The following PTCHD1 variants were observed in gnomAD, a reference collection of about 807,000 sequenced individuals.
The protein encoded by PTCHD1 is patched domain-containing protein 1.
Under a neutral mutation model 34.6 loss-of-function variants are expected in PTCHD1, and 3 were observed. That is an observed-to-expected ratio of 0.09 (90% CI 0.04 to 0.22). The LOEUF is 0.22. Ranked by LOEUF, PTCHD1 falls within the 10% of genes least tolerant of loss-of-function variation. The pLI, the probability that PTCHD1 is intolerant of heterozygous loss-of-function variation, is 1.00. For synonymous variants in PTCHD1, 305 were observed against 283.1 expected (o/e 1.08, Z -0.77); for missense variants, 504 against 685.5 (o/e 0.74, Z 2.96).
rs146681155 is a variant in PTCHD1 at position 23,369,025 on chromosome X, T to C, written c.352-10566T>C. On this transcript the variant is annotated intron_variant, in intron 1 of 2. Coordinates refer to ENST00000379361, the MANE Select transcript of PTCHD1 (RefSeq NM_173495.3). Reference sequence around the variant, plus strand: ...GTTGCAGTGAGTCGAGATCATGCCATTGCACCGCAGCCTGGGCAACAAAAG... The same window carrying C: ...GTTGCAGTGAGTCGAGATCATGCCACTGCACCGCAGCCTGGGCAACAAAAG... 9.1e-4 allele frequency among the ~76,000 whole-genome samples: 101 copies of C among 111,508 alleles called. 1 individual carries two copies. Among genetic ancestry groups the C allele is most frequent in the African/African-American group, 3.2e-3 (97 of 30,651 alleles).
intron 1 of PTCHD1, among the ~76,000 whole-genome samples, chrX:23,348,452 A>G (rs1000731917): frequency 5.4e-5 from 6 of 111,556 alleles, no homozygotes; most frequent in Non-Finnish European, 1.1e-4. Flanking sequence ...AGCTCAAAGA[A>G]CACCAAGACA....
chrX:23,336,895 C>CAGTCAGTCTTTTGATTGATCAATCAAT lies in PTCHD1; in HGVS notation c.351+1669_351+1670insAGTCAGTCTTTTGATTGATCAATCAAT, dbSNP rs1921182699. Among the ~76,000 whole-genome samples, 8 of 111,191 alleles carry CAGTCAGTCTTTTGATTGATCAATCAAT rather than the reference C, an allele frequency of 7.2e-5. No homozygotes were observed. In the South Asian group the frequency reaches 3.1e-3, roughly 43 times the overall value. ...AACCAGTTCTGACAGTTGGAAATGC[C>CAGTCAGTCTTTTGATTGATCAATCAAT]CCGTCTTTTGATTGATGATCTACTA... On this transcript the variant is annotated intron_variant, in intron 1 of 2. Coordinates refer to ENST00000379361, the MANE Select transcript of PTCHD1 (RefSeq NM_173495.3).
intron 2 of PTCHD1, among the ~76,000 whole-genome samples, chrX:23,391,834 A>C (rs770094397): frequency 9.0e-6 from 1 of 111,168 alleles, no homozygotes; most frequent in East Asian, 2.8e-4. Context: ...AAAATCCCCA[A>C]GAGACATATG....
intron 1 of PTCHD1, among the ~76,000 whole-genome samples, chrX:23,357,856 G>A (rs1396473212): frequency 9.0e-6 from 1 of 110,828 alleles, no homozygotes; most frequent in Non-Finnish European, 1.9e-5. Flanking sequence ...TTCCCACCCT[G>A]TGTCCAAGTG....
chrX:23,402,901 GT>G lies in PTCHD1; in HGVS notation c.*8717del, dbSNP rs1015086454. The G allele has an allele frequency of 6.2e-5, 7 of 112,493 alleles. No homozygotes were observed. The highest frequency in any genetic ancestry group is 2.3e-4 in the African/African-American group (7 of 30,968). The allele number at this position is 112,493 out of a possible 1,213,427, so 9.3% of individuals were successfully genotyped here. ...GCCAATAATTATTAATGACAAAATA[GT>G]GATAACTGTTCAATGTTGCTTTAAC... is the stretch of plus-strand genomic sequence containing the variant. On this transcript the variant is annotated 3_prime_UTR_variant, in exon 3 of 3. Transcript: ENST00000379361.
chrX:23,389,322 CA>C (rs751438635), intron 2 of PTCHD1, among the ~76,000 whole-genome samples: 1 of 111,845 alleles, frequency 8.9e-6, no homozygotes, highest in Non-Finnish European at 1.9e-5. Context: ...CCGACCTCTT[CA>C]GCAAAAATAC....
intron 1 of PTCHD1, among the ~76,000 whole-genome samples, chrX:23,375,018 G>A (rs1569138887): frequency 8.9e-6 from 1 of 111,889 alleles, no homozygotes; most frequent in Non-Finnish European, 1.9e-5. Context: ...TGTGCCCCAG[G>A]ACCTTTTTTC....
rs1479797166 is a variant in PTCHD1 at position 23,399,692 on chromosome X, A to C, written c.*5507A>C. ...CATTCTTTCATTCATTCATTTCTTT[A>C]TTCTGCAAATGTATTTTCAGTGCCA... On this transcript the variant is annotated 3_prime_UTR_variant, in exon 3 of 3. Coordinates refer to ENST00000379361, the MANE Select transcript of PTCHD1 (RefSeq NM_173495.3). The C allele has an allele frequency of 8.9e-6, 1 of 112,173 alleles. No individual in the cohort carries two copies. The highest frequency in any genetic ancestry group is 1.9e-5 in the Non-Finnish European group (1 of 53,224). 9.2% of individuals were successfully genotyped at this position (112,173 alleles called of 1,213,427 possible).
chrX:23,362,632 C>T (rs1279581107), intron 1 of PTCHD1, among the ~76,000 whole-genome samples: 2 of 112,189 alleles, frequency 1.8e-5, no homozygotes, highest in Non-Finnish European at 3.8e-5. Flanking sequence ...CGTCTGTCAG[C>T]TTGTCAAAGT....
chrX:23,378,112 C>A (rs745561122), intron 1 of PTCHD1, among the ~76,000 whole-genome samples: 1 of 112,081 alleles, frequency 8.9e-6, no homozygotes. Context: ...TGTCACTGGC[C>A]TCATTTTGCA....
chrX:23,339,116 A>G (rs1193863388), intron 1 of PTCHD1, among the ~76,000 whole-genome samples: 8 of 112,098 alleles, frequency 7.1e-5, no homozygotes, highest in Non-Finnish European at 1.5e-4. Flanking sequence ...CATAATAGCT[A>G]CTCAATAAAT....
At chrX:23,352,660 TG>T (rs1346090194) in intron 1 of PTCHD1, among the ~76,000 whole-genome samples, 4 of 111,637 alleles carry the variant, frequency 3.6e-5, no homozygotes, top group African/African-American at 1.3e-4. Context: ...CATATCTCAG[TG>T]GTTCTCAACC....
chrX:23,367,777 A>G (rs1291427413), intron 1 of PTCHD1, among the ~76,000 whole-genome samples: 1 of 111,584 alleles, frequency 9.0e-6, no homozygotes, highest in Non-Finnish European at 1.9e-5. Flanking sequence ...ATCACGTGCA[A>G]TATTCTAGGT....
Position 23,402,703 on chromosome X carries a change from A to G in PTCHD1, c.*8518A>G, listed in dbSNP as rs1218981079. 1 of 112,169 alleles carries G rather than the reference A, an allele frequency of 8.9e-6. No individual in the cohort carries two copies. Among genetic ancestry groups the G allele is most frequent in the Non-Finnish European group, 1.9e-5 (1 of 53,249 alleles). The allele number at this position is 112,169 out of a possible 1,213,427, so 9.2% of individuals were successfully genotyped here. A position where few individuals can be genotyped will look rare whatever the true frequency, so the allele number is the denominator to read the frequency against. On this transcript the variant is annotated 3_prime_UTR_variant, in exon 3 of 3. Transcript: ENST00000379361. ...CAATCCAGCTTAGAACCCTTGAGCA[A>G]AATTATTGAATTATTGAATGCTAGG...
intron 1 of PTCHD1, among the ~76,000 whole-genome samples, chrX:23,352,737 T>C (rs760802260): frequency 3.6e-5 from 4 of 111,818 alleles, no homozygotes; most frequent in Non-Finnish European, 7.5e-5. Flanking sequence ...AACCCATGGA[T>C]TCTCATTTCA....
chrX:23,334,804 C>CGGG (rs1312451993), upstream of PTCHD1: 1 of 643,417 alleles, frequency 1.6e-6, no homozygotes, highest in Non-Finnish European at 1.9e-6. Context: ...GCCGCCGCCG[C>CGGG]CGCCGCCGCC....
chrX:23,341,209 CTTGATAGATGCCATA>C (rs1332687784), intron 1 of PTCHD1, among the ~76,000 whole-genome samples: 1 of 111,568 alleles, frequency 9.0e-6, no homozygotes, highest in Non-Finnish European at 1.9e-5. Context: ...CTCATGGCAT[CTTGATAGATGCCATA>C]TTAGAGTTAG....
intron 1 of PTCHD1, among the ~76,000 whole-genome samples, chrX:23,375,288 T>C (rs937136402): frequency 9.5e-5 from 6 of 63,373 alleles, no homozygotes; most frequent in Admixed American, 5.1e-4. Flanking sequence ...CTGACAATTC[T>C]TTTTTTTTTT....
At chrX:23,354,750 T>A (rs1322374745) in intron 1 of PTCHD1, among the ~76,000 whole-genome samples, 1 of 108,280 alleles carries the variant, frequency 9.2e-6, no homozygotes, top group Non-Finnish European at 1.9e-5. Context: ...TTTTTGTATT[T>A]TTAGTAGAGA....
Sources: allele counts gnomAD v4.1 joint callset (sites outside exome capture counted in the v4.1 genomes callset), GRCh38; gene constraint gnomAD v4.1.1; transcripts MANE v1.5; gene names NCBI Gene and HGNC (gene_info 2026-07-23, HGNC 2026-07-21).